The following XIAP variants were observed in gnomAD, a reference collection of about 807,000 sequenced individuals.
XIAP encodes the protein X-linked inhibitor of apoptosis.
Under a neutral mutation model 33.1 loss-of-function variants are expected in XIAP, and 3 were observed. The ratio of observed to expected loss-of-function variants is 0.09; its 90% CI spans 0.04 to 0.23. XIAP has a LOEUF of 0.23. XIAP is among the 10% of genes least tolerant of loss of function. XIAP has a pLI of 1.00. For synonymous variants in XIAP, 98 were observed against 121.3 expected, an observed-to-expected ratio of 0.81 and a Z score of 1.26; for missense variants, 264 against 363.0, an observed-to-expected ratio of 0.73 and a Z score of 2.22.
At chrX:123,880,887 C>G (rs1364015975) in intron 1 of XIAP, among the ~76,000 whole-genome samples, 2 of 110,629 alleles carry the variant, frequency 1.8e-5, no homozygotes, top group African/African-American at 6.6e-5. Flanking sequence ...CTTGGCACCT[C>G]CTGGTGGCTC....
At chrX:123,898,842 C>G (rs748033470) in intron 5 of XIAP, among the ~76,000 whole-genome samples, 1 of 103,751 alleles carries the variant, frequency 9.6e-6, no homozygotes, top group African/African-American at 3.5e-5. Context: ...ATACAGTAGC[C>G]GGGCGCAGTG....
chrX:123,904,289 A>G (rs1238785708), intron 6 of XIAP, among the ~76,000 whole-genome samples: 1 of 111,934 alleles, frequency 8.9e-6, no homozygotes, highest in East Asian at 2.8e-4. Context: ...TAATGTGGAA[A>G]TTACTTGTTC....
chrX:123,910,729 G>T lies in XIAP; in HGVS notation c.*3548G>T, dbSNP rs1460883027. The T allele has an allele frequency of 7.1e-6, 2 of 283,620 alleles. No individual in the cohort carries two copies. Among genetic ancestry groups the T allele is most frequent in the Non-Finnish European group, 1.3e-5 (2 of 150,118 alleles). 23.4% of individuals were successfully genotyped at this position (283,620 alleles called of 1,213,427 possible). On this transcript the variant is annotated 3_prime_UTR_variant, in exon 7 of 7. Transcript: ENST00000371199. The stretch of plus-strand genomic sequence containing the variant: ...CTAAAAAACAGAAAATTAGCCGGGC[G>T]TGGTGGCGGGCGCCTGTAGTCCCAG...
At chrX:123,865,509 C>T (rs11796192) in intron 1 of XIAP, among the ~76,000 whole-genome samples, 40,558 of 105,131 alleles carry the variant, frequency 0.39, 6,196 homozygotes, top group African/African-American at 0.49. Context: ...GGGCGGATCA[C>T]GAGGTCAGGA....
intron 1 of XIAP, among the ~76,000 whole-genome samples, chrX:123,877,678 A>T (rs995133331): frequency 8.9e-6 from 1 of 111,978 alleles, no homozygotes; most frequent in Admixed American, 9.6e-5. Flanking sequence ...TTCTCATTAG[A>T]ATTTAAAGAA....
intron 1 of XIAP, among the ~76,000 whole-genome samples, chrX:123,883,398 T>G (rs1439238808): frequency 9.1e-6 from 1 of 110,416 alleles, no homozygotes; most frequent in Non-Finnish European, 1.9e-5. Flanking sequence ...CACCAGATAT[T>G]TTTTAAAAAC....
chrX:123,865,487 G>A (rs1026217046), intron 1 of XIAP, among the ~76,000 whole-genome samples: 1 of 110,107 alleles, frequency 9.1e-6, no homozygotes, highest in East Asian at 2.9e-4. Flanking sequence ...CAGCACTTTG[G>A]GAGACTGAGG....
At position 123,913,635 on chromosome X, in the gene XIAP, C is replaced by T. The variant is rs1011710731; in HGVS notation, c.*6454C>T. The T allele has an allele frequency of 3.1e-6, 1 of 323,528 alleles. No homozygotes were observed. Among genetic ancestry groups the T allele is most frequent in the Admixed American group, 3.2e-5 (1 of 31,432 alleles). The allele number at this position is 323,528 out of a possible 1,213,427, so 26.7% of individuals were successfully genotyped here. A position where few individuals can be genotyped will look rare whatever the true frequency, so the allele number is the denominator to read the frequency against. On this transcript the variant is annotated 3_prime_UTR_variant, in exon 7 of 7. Transcript: ENST00000371199. ...ATATTTTAAATTACTATATATGTTA[C>T]CATTTTTCTGGATTTAGTAAGAAAT...
chrX:123,910,026 C>T lies in XIAP; in HGVS notation c.*2845C>T, dbSNP rs17330644. On this transcript the variant is annotated 3_prime_UTR_variant, in exon 7 of 7. Coordinates refer to ENST00000371199, the MANE Select transcript of XIAP (RefSeq NM_001167.4). ...ATTCCTTTTCTGTATAAAGTTCACT[C>T]TAGGATTTCAAGTCACCACTTATTT... is the stretch of plus-strand genomic sequence containing the variant. 72,844 of 326,921 alleles carry T rather than the reference C, an allele frequency of 0.22. 5,175 individuals carry two copies. Among genetic ancestry groups the T allele is most frequent in the South Asian group, 0.39 (14,791 of 38,240 alleles). 26.9% of individuals were successfully genotyped at this position (326,921 alleles called of 1,213,427 possible). A position where few individuals can be genotyped will look rare whatever the true frequency, so the allele number is the denominator to read the frequency against.
At chrX:123,874,546 A>C (rs1038501954) in intron 1 of XIAP, 2 of 111,365 alleles carry the variant, frequency 1.8e-5, no homozygotes, top group Admixed American at 1.9e-4. Context: ...ATGTTTTTAA[A>C]ATACATCCTG....
In XIAP at chrX:123,912,085, C is replaced by T. The variant is rs1390197548; in HGVS notation, c.*4904C>T. The T allele has an allele frequency of 3.0e-6, 1 of 328,420 alleles. No individual in the cohort carries two copies. Among genetic ancestry groups the T allele is most frequent in the East Asian group, 9.7e-5 (1 of 10,317 alleles). 27.1% of individuals were successfully genotyped at this position (328,420 alleles called of 1,213,427 possible). A position where few individuals can be genotyped will look rare whatever the true frequency, so the allele number is the denominator to read the frequency against. The stretch of plus-strand genomic sequence containing the variant: ...AACTACTCTTTCCACTGTACCATAA[C>T]TTTCACTACATATTAAATGACACTT... On this transcript the variant is annotated 3_prime_UTR_variant, in exon 7 of 7. Transcript: ENST00000371199.
rs371211778 is a variant in XIAP, at chrX:123,884,337, A to C, written c.-32-1294A>C. 5.4e-5 allele frequency among the ~76,000 whole-genome samples: 6 copies of C among 110,967 alleles called. No homozygotes were observed. The South Asian group carries it at 1.1e-3, about 21-fold the overall frequency. On this transcript the variant is annotated intron_variant, in intron 1 of 6. Coordinates refer to ENST00000371199, the MANE Select transcript of XIAP (RefSeq NM_001167.4). ...CGTCTCTACTAAAAAATACAAAATT[A>C]GCCGGGCATGGTGGCGCATGCCTGT...
chrX:123,871,044 G>A (rs2053189044), intron 1 of XIAP, among the ~76,000 whole-genome samples: 1 of 111,653 alleles, frequency 9.0e-6, no homozygotes, highest in Admixed American at 9.6e-5. Context: ...CCAGGTTCAA[G>A]TGATTCTCCT....
At chrX:123,894,980 A>G (rs1226064587) in intron 5 of XIAP, among the ~76,000 whole-genome samples, 123 of 110,212 alleles carry the variant, frequency 1.1e-3, no homozygotes, top group African/African-American at 3.9e-3. Context: ...AAATAAATAA[A>G]TAAATAAATA....
At position 123,900,557 on chromosome X, in the gene XIAP, C is replaced by T; in HGVS notation, c.1164C>T (p.Asp388=). The T allele has an allele frequency of 8.3e-7, 1 of 1,210,598 alleles. No individual in the cohort carries two copies. Among genetic ancestry groups the T allele is most frequent in the Non-Finnish European group, 1.1e-6 (1 of 894,696 alleles). Residue 388 remains aspartate, a synonymous_variant, in exon 6 of 7, where the codon GAC becomes GAT. Transcript: ENST00000371199. The part of the protein sequence containing the change: ...EAIRMGFSFK[D]IKKIMEEKIQ... ...TACGAATGGGGTTCAGTTTCAAGGA[C>T]ATTAAGAAAATAATGGAGGAAAAAA...
At chrX:123,892,554 T>G (rs1266831377) in intron 4 of XIAP, among the ~76,000 whole-genome samples, 177 bp from the exon 5 acceptor site, 3 of 111,037 alleles carry the variant, frequency 2.7e-5, no homozygotes, top group African/African-American at 6.5e-5. Context: ...GGGATTAGAT[T>G]AGATAATCTT....
At chrX:123,878,622 G>C (rs1326945426) in intron 1 of XIAP, 1 of 113,588 alleles carries the variant, frequency 8.8e-6, no homozygotes, top group Non-Finnish European at 1.9e-5. Context: ...TCTTCTAAGA[G>C]TTTTTGATCT....
chrX:123,905,045 CTATAGTTT>C (rs2053547516), intron 6 of XIAP, among the ~76,000 whole-genome samples: 3 of 111,707 alleles, frequency 2.7e-5, no homozygotes, highest in South Asian at 3.7e-4. Flanking sequence ...ATGTTTGAGC[CTATAGTTT>C]TTATTATGCC....
Position 123,912,232 on chromosome X carries a change from C to T in XIAP, c.*5051C>T, listed in dbSNP as rs1390724740. On this transcript the variant is annotated 3_prime_UTR_variant, in exon 7 of 7. Transcript: ENST00000371199. The stretch of plus-strand genomic sequence containing the variant: ...AAACACTGAGAAAAAAAAAAAAGAC[C>T]ACACAATAAAAAAAAAAAATACAAA... The T allele has an allele frequency of 7.3e-6, 2 of 275,742 alleles. No individual in the cohort carries two copies. The highest frequency in any genetic ancestry group is 2.3e-4 in the East Asian group (2 of 8,585). 22.7% of individuals were successfully genotyped at this position (275,742 alleles called of 1,213,427 possible).
Sources: gnomAD v4.1 joint callset for allele counts (sites outside exome capture counted in the v4.1 genomes callset) on GRCh38, gnomAD v4.1.1 for gene constraint, MANE v1.5 for transcripts, NCBI Gene and HGNC (gene_info 2026-07-23, HGNC 2026-07-21) for gene names.